Variants in MAP2K3 observed in about 807,000 individuals in gnomAD.
MAP2K3 encodes the protein dual specificity mitogen-activated protein kinase kinase 3.
In MAP2K3, 30 loss-of-function variants were observed where a neutral mutation model predicts 46.4. That is an observed-to-expected ratio of 0.65 (90% confidence interval 0.48 to 0.88). MAP2K3 has a LOEUF of 0.88. MAP2K3 is among the 40% of genes least tolerant of loss of function. MAP2K3 has a pLI of 0.00. For synonymous variants in MAP2K3, 189 were observed against 176.3 expected, an observed-to-expected ratio of 1.07 and a Z score of -0.57; for missense variants, 380 against 464.5, an observed-to-expected ratio of 0.82 and a Z score of 1.67.
chr17:21,312,918 C>CAA (rs113429381), intron 10 of MAP2K3, among the ~76,000 whole-genome samples: 8,860 of 119,728 alleles, frequency 0.074, 467 homozygotes, highest in African/African-American at 0.16. Context: ...GAGACTGTCT[C>CAA]AAAAAAAAAA....
chr17:21,293,144 G>A (rs949949752), intron 1 of MAP2K3, among the ~76,000 whole-genome samples: 2 of 152,312 alleles, frequency 1.3e-5, no homozygotes, highest in African/African-American at 4.8e-5. Context: ...ATTTCTGGAT[G>A]CAGAAGAATG....
chr17:21,294,021 G>A (rs1339328367), intron 1 of MAP2K3, among the ~76,000 whole-genome samples: 2 of 152,312 alleles, frequency 1.3e-5, no homozygotes, highest in Non-Finnish European at 2.9e-5. Context: ...CTGGGGAGAG[G>A]GGCCAGTGTC....
intron 7 of MAP2K3, among the ~76,000 whole-genome samples, 192 bp downstream of exon 7, chr17:21,303,426 C>G (rs1426464003): frequency 6.6e-6 from 1 of 152,312 alleles, no homozygotes; most frequent in Non-Finnish European, 1.5e-5. Flanking sequence ...GTGCTCGAAG[C>G]AAGGACTGGC....
At position 21,314,595 on chromosome 17, in the gene MAP2K3, G is replaced by T; in HGVS notation, c.*365G>T. The T allele has an allele frequency of 3.8e-6, 1 of 262,958 alleles. No individual in the cohort carries two copies. Among genetic ancestry groups the T allele is most frequent in the Non-Finnish European group, 7.4e-6 (1 of 135,452 alleles). 16.3% of individuals were successfully genotyped at this position (262,958 alleles called of 1,614,324 possible). On this transcript the variant is annotated 3_prime_UTR_variant, in exon 12 of 12. Coordinates refer to ENST00000342679, the MANE Select transcript of MAP2K3 (RefSeq NM_145109.3). ...GATGGGCCACCGCCTTGCCCAGCCT[G>T]GATGCCATCCAAGTTGTATATTTTT...
chr17:21,304,372 C>A, intron 7 of MAP2K3, 54 bp from the exon 8 acceptor site: 3 of 1,613,872 alleles, frequency 1.9e-6, no homozygotes, highest in Non-Finnish European at 2.5e-6. Context: ...GAGCATGGCA[C>A]CTGCCTCCAG....
intron 1 of MAP2K3, among the ~76,000 whole-genome samples, chr17:21,292,184 A>G (rs1465508526): frequency 2.6e-5 from 4 of 152,298 alleles, no homozygotes; most frequent in African/African-American, 9.6e-5. Flanking sequence ...TACTGTGCTC[A>G]GTGAGCCTGG....
chr17:21,302,757 C>T (rs1976677810), intron 6 of MAP2K3, among the ~76,000 whole-genome samples: 4 of 152,310 alleles, frequency 2.6e-5, no homozygotes. Context: ...CTGGTTCAAT[C>T]CTCACTGCAT....
In MAP2K3 at chr17:21,284,779, G is replaced by C; in HGVS notation, c.-142G>C. 3.3e-6 allele frequency: 3 copies of C among 917,270 alleles called. No individual in the cohort carries two copies. The highest frequency in any genetic ancestry group is 4.7e-6 in the Non-Finnish European group (3 of 642,846). The allele number at this position is 917,270 out of a possible 1,614,324, so 56.8% of individuals were successfully genotyped here. On this transcript the variant is annotated 5_prime_UTR_variant, in exon 1 of 12. Coordinates refer to ENST00000342679, the MANE Select transcript of MAP2K3 (RefSeq NM_145109.3). Reference sequence around the variant, plus strand: ...AGTCGCCGCCGCAGTCCTCGCCGCAGTCGCCGCCGCCGCCGCCGCCGCCGC... The same window carrying C: ...AGTCGCCGCCGCAGTCCTCGCCGCACTCGCCGCCGCCGCCGCCGCCGCCGC...
At chr17:21,291,593 G>A (rs1181630301) in intron 1 of MAP2K3, 1 of 456,380 alleles carries the variant, frequency 2.2e-6, no homozygotes, top group Non-Finnish European at 4.4e-6. Context: ...AGCATCACTT[G>A]TGGGTCCCCC....
Position 21,302,223 on chromosome 17 carries a change from A to G in MAP2K3, c.480A>G (p.Thr160=), listed in dbSNP as rs1976645647. The change falls in exon 6 of 12, where the codon ACA becomes ACG. Residue 160 remains threonine, a synonymous_variant. Transcript: ENST00000342679. ...GGAAGGTGCTGGATAAAAACATGAC[A>G]ATTCCAGAGGACATCCTTGGGGAGA... The part of the protein sequence containing the change: ...FYRKVLDKNM[T]IPEDILGEIA... The G allele has an allele frequency of 6.2e-7, 1 of 1,613,390 alleles. No individual in the cohort carries two copies. The highest frequency in any genetic ancestry group is 2.2e-5 in the East Asian group (1 of 44,856).
chr17:21,298,539 A>C (rs8072386), intron 2 of MAP2K3, 60 bp downstream of exon 2: 1 of 1,613,898 alleles, frequency 6.2e-7, no homozygotes, highest in Non-Finnish European at 8.5e-7. Context: ...ACAGGGCTCA[A>C]TGGAAGGAGT....
rs1412568616 is a variant in MAP2K3, at chr17:21,284,840, C to A, written c.-81C>A. 2 of 1,490,784 alleles carry A rather than the reference C, an allele frequency of 1.3e-6. No individual in the cohort carries two copies. The highest frequency in any genetic ancestry group is 1.8e-6 in the Non-Finnish European group (2 of 1,101,978). The allele number at this position is 1,490,784 out of a possible 1,614,324, so 92.3% of individuals were successfully genotyped here. A position where few individuals can be genotyped will look rare whatever the true frequency, so the allele number is the denominator to read the frequency against. On this transcript the variant is annotated 5_prime_UTR_variant, in exon 1 of 12. Transcript: ENST00000342679. ...CCGCCTGGCCTGGGCCGTCTGCCCG[C>A]AGCCATGAGCGTGCTCGGCCCCGGT...
At chr17:21,304,290 C>A (rs55677712) in intron 7 of MAP2K3, 136 bp from the exon 8 acceptor site, 2 of 1,502,760 alleles carry the variant, frequency 1.3e-6, no homozygotes, top group South Asian at 1.3e-5. Context: ...GACCCTGGTG[C>A]AACCTGCCCA....
chr17:21,298,896 C>A lies in MAP2K3; in HGVS notation c.135C>A (p.Asp45Glu), dbSNP rs752337832. The change falls in exon 3 of 12, where the codon GAC becomes GAA. Residue 45 changes from aspartate to glutamate, a missense_variant. Physicochemically the swap from Asp to Glu is conservative, Grantham distance 45. Around this residue, in one of 5 missense-constraint regions of MAP2K3, gnomAD observed 294 missense variants for 275.4 expected, o/e 1.07. Transcript: ENST00000342679. ...TCCACAGACCCCCCCGGAACCTGGA[C>A]TCCCGGACCTTCATCACCATTGGAG... ...APNPTPPRNLDSRTFITIGDR... is the reference protein window; with the variant it reads ...APNPTPPRNLESRTFITIGDR... 8.7e-6 allele frequency: 14 copies of A among 1,614,166 alleles called. No individual in the cohort carries two copies. The African/African-American group carries it at 1.9e-4, about 22-fold the overall frequency.
chr17:21,307,946 C>T (rs1976979478), intron 9 of MAP2K3, among the ~76,000 whole-genome samples: 1 of 150,486 alleles, frequency 6.6e-6, no homozygotes, highest in African/African-American at 2.4e-5. Context: ...ACCTCTGCCT[C>T]TCGCGTTCAG....
chr17:21,304,132 G>C (rs551640837), intron 7 of MAP2K3, among the ~76,000 whole-genome samples: 1 of 152,308 alleles, frequency 6.6e-6, no homozygotes, highest in East Asian at 1.9e-4. Flanking sequence ...ATGCAGGCAC[G>C]GTGCTCCCAG....
rs1400963372 is a variant in MAP2K3 at position 21,300,534 on chromosome 17, C to T, written c.166-11C>T. The T allele has an allele frequency of 3.1e-6, 5 of 1,601,336 alleles. No homozygotes were observed. In the African/African-American group the frequency reaches 5.3e-5, roughly 17 times the overall value. ...CTTGCTGGCCACTGACTCTCTTTTC[C>T]ATCCTTCAAGAACTTTGAGGTGGAG... On this transcript the variant is annotated splice_polypyrimidine_tract_variant and intron_variant, in intron 3 of 11. Transcript: ENST00000342679.
At chr17:21,301,518 C>T (rs1346987400) in intron 5 of MAP2K3, among the ~76,000 whole-genome samples, 4 of 152,312 alleles carry the variant, frequency 2.6e-5, no homozygotes, top group Non-Finnish European at 5.9e-5. Flanking sequence ...ATACTGGTCA[C>T]TTGCCCCTCA....
chr17:21,301,304 G>A (rs1053963936), intron 5 of MAP2K3, among the ~76,000 whole-genome samples: 925 of 151,988 alleles, frequency 6.1e-3, no homozygotes, highest in Non-Finnish European at 0.01. Flanking sequence ...CATACAGGGC[G>A]TGGGAATGGC....
Sources: allele counts gnomAD v4.1 joint callset (sites outside exome capture counted in the v4.1 genomes callset), GRCh38; gene constraint gnomAD v4.1.1; regional missense constraint gnomAD v4.1.1; transcripts MANE v1.5; gene names NCBI Gene and HGNC (gene_info 2026-07-23, HGNC 2026-07-21).